The following ZNF875 variants were observed in gnomAD, a reference collection of about 807,000 sequenced individuals.
ZNF875 encodes HKR1, GLI-Kruppel zinc finger family member.
In ZNF875, 14 loss-of-function variants were observed where a neutral mutation model predicts 11.2. That is an observed-to-expected ratio of 1.26 (90% CI 0.83 to 1.96). The LOEUF is 1.96. Among genes scored for constraint, ZNF875 ranks in the 30% most tolerant of loss-of-function variants. The probability of loss-of-function intolerance (pLI) is 0.00; values close to 1 mark genes in which losing one functional copy is unlikely to be tolerated. For missense variants in ZNF875, 752 were observed against 760.4 expected, an observed-to-expected ratio of 0.99 and a Z score of 0.13; for synonymous variants, 301 against 281.1, an observed-to-expected ratio of 1.07 and a Z score of -0.71.
chr19:37,343,806 C>G (rs2036246343), intron 2 of ZNF875, among the ~76,000 whole-genome samples: 1 of 152,136 alleles, frequency 6.6e-6, no homozygotes, highest in South Asian at 2.1e-4. Context: ...AGGCATGATT[C>G]ACTGGGGCCA....
intron 1 of ZNF875, 148 bp from the exon 2 acceptor site, chr19:37,335,021 C>T: frequency 1.8e-6 from 1 of 559,174 alleles, no homozygotes; most frequent in Non-Finnish European, 3.3e-6. Context: ...CTGGGTCATC[C>T]TGGCCCCCCA....
chr19:37,356,447 T>C (rs556553283), intron 4 of ZNF875, among the ~76,000 whole-genome samples: 1 of 152,300 alleles, frequency 6.6e-6, no homozygotes, highest in Admixed American at 6.5e-5. Flanking sequence ...TGTTTGTTTG[T>C]TTGTTTAACT....
At chr19:37,314,766 A>AAAAGAAG (rs1555789493), upstream of ZNF875, 54 of 151,544 alleles carry the variant, frequency 3.6e-4, no homozygotes, top group African/African-American at 1.3e-3. Flanking sequence ...AAAAAAAAAA[A>AAAAGAAG]AAGAAGAAGA....
chr19:37,320,236 C>G (rs937231990), intron 1 of ZNF875, among the ~76,000 whole-genome samples: 1 of 152,190 alleles, frequency 6.6e-6, no homozygotes, highest in African/African-American at 2.4e-5. Flanking sequence ...GAGAAGGGCC[C>G]ATGAATGAAA....
chr19:37,363,231 G>T lies in ZNF875; in HGVS notation c.1379G>T (p.Ser460Ile), dbSNP rs2146752335. The change falls in exon 5 of 5, where the codon AGC becomes ATC. Residue 460 changes from serine (S) to isoleucine (I), a missense_variant. Physicochemically the swap from Ser to Ile is moderately radical, Grantham distance 142. Transcript: ENST00000392153. ...YVCLECGQCF[S>I]LKSNLNKHQR... ...TGCCTGGAGTGCGGGCAGTGCTTTA[G>T]CCTGAAGTCAAACCTTAACAAACAC... 6.2e-7 allele frequency: 1 copy of T among 1,613,980 alleles called. No homozygotes were observed. Among genetic ancestry groups the T allele is most frequent in the South Asian group, 1.1e-5 (1 of 91,074 alleles).
rs1197451834 is a variant in ZNF875 at position 37,364,024 on chromosome 19, C to T, written c.*249C>T. Reference sequence around the variant, plus strand: ...CACTGTGGATGGTGGGTTGTGGAAACCCGGTCAGGTAATGATAGTGGCAGG... The same window carrying T: ...CACTGTGGATGGTGGGTTGTGGAAATCCGGTCAGGTAATGATAGTGGCAGG... On this transcript the variant is annotated 3_prime_UTR_variant, in exon 5 of 5. Coordinates refer to ENST00000392153, the MANE Select transcript of ZNF875 (RefSeq NM_001353803.2). 2 of 487,350 alleles carry T rather than the reference C, an allele frequency of 4.1e-6. No individual in the cohort carries two copies. The highest frequency in any genetic ancestry group is 3.5e-5 in the East Asian group (1 of 28,414). 30.2% of individuals were successfully genotyped at this position (487,350 alleles called of 1,614,324 possible).
intron 2 of ZNF875, among the ~76,000 whole-genome samples, chr19:37,340,608 G>A (rs1236388076): frequency 7.5e-6 from 1 of 134,094 alleles, no homozygotes; most frequent in African/African-American, 2.8e-5. Flanking sequence ...CTGAAAGTGT[G>A]TTTATTGTTA....
intron 1 of ZNF875, among the ~76,000 whole-genome samples, chr19:37,321,516 A>T (rs1354547692): frequency 2.0e-5 from 3 of 152,168 alleles, no homozygotes. Flanking sequence ...ATACTGAGGG[A>T]ACTCAGAGAC....
At position 37,347,224 on chromosome 19, in the gene ZNF875, T is replaced by A. The variant is rs1412270417; in HGVS notation, c.68T>A (p.Phe23Tyr). The change falls in exon 3 of 5, where the codon TTC becomes TAC. Residue 23 changes from phenylalanine (F) to tyrosine (Y), a missense_variant. Transcript: ENST00000392153. ...GCATTCAGGGATGTGGCTGTGTACT[T>A]CACCCAGGAGGAGTGGAGGTTGTTG... The part of the protein sequence containing the change: ...FVAFRDVAVY[F>Y]TQEEWRLLSP... 2 of 1,614,124 alleles carry A rather than the reference T, an allele frequency of 1.2e-6. No homozygotes were observed. Among genetic ancestry groups the A allele is most frequent in the Non-Finnish European group, 1.7e-6 (2 of 1,180,002 alleles).
At chr19:37,333,046 A>C (rs888848024), upstream of ZNF875, among the ~76,000 whole-genome samples, 1 of 152,138 alleles carries the variant, frequency 6.6e-6, no homozygotes, top group African/African-American at 2.4e-5. Context: ...GTAGAGTTTC[A>C]TTCTGCCCCT....
chr19:37,324,839 A>G (rs982932521), intron 4 of ZNF875: 1 of 154,232 alleles, frequency 6.5e-6, no homozygotes, highest in African/African-American at 2.5e-5. Context: ...TAGTATGGCG[A>G]TCTCTGCTCA....
rs142521421 is a variant in ZNF875 at position 37,326,520 on chromosome 19, C to T, written c.-603+2255C>T. On this transcript the variant is annotated intron_variant, in intron 4 of 5. Transcript: ENST00000544914. ...TTCAGTCTTTTCCCATAACATGTGA[C>T]GTGCCTTTTTGTCTTGGTTGGGTAT... Among the ~76,000 whole-genome samples, 967 of 152,180 alleles carry T rather than the reference C, an allele frequency of 6.4e-3. 26 individuals carry two copies. Among genetic ancestry groups the T allele is most frequent in the East Asian group, 0.053 (273 of 5,178 alleles).
intron 3 of ZNF875, 52 bp from the exon 4 acceptor site, chr19:37,347,725 G>T: frequency 2.7e-6 from 3 of 1,101,002 alleles, no homozygotes. Context: ...GTTCTAGAAT[G>T]CCCTCTTGAG....
intron 4 of ZNF875, among the ~76,000 whole-genome samples, chr19:37,356,539 G>C (rs2038943990): frequency 6.6e-6 from 1 of 152,010 alleles, no homozygotes; most frequent in East Asian, 1.9e-4. Context: ...CTGGTACCAA[G>C]ATCTCTTTGT....
chr19:37,313,892 A>C (rs189818389), upstream of ZNF875, among the ~76,000 whole-genome samples: 457 of 152,206 alleles, frequency 3.0e-3, 3 homozygotes, highest in Admixed American at 8.0e-3. Context: ...TGTGAATTGC[A>C]ATTTATTAAT....
Position 37,363,601 on chromosome 19 carries a change from A to AG in ZNF875, c.1755dup (p.Lys586GlufsTer13), listed in dbSNP as rs775240804. The AG allele has an allele frequency of 1.2e-5, 19 of 1,613,080 alleles. No homozygotes were observed. In the Admixed American group the frequency reaches 2.7e-4, roughly 23 times the overall value. On this transcript the variant is annotated frameshift_variant, in exon 5 of 5. Transcript: ENST00000392153. LOFTEE classifies it low-confidence loss of function (END_TRUNC). ...TCATTAAACACCAGAGAGCACACGCAGGGGGGAAGCCTCATGTGTGCAGGG... is the reference window on the plus strand; with the variant it reads ...TCATTAAACACCAGAGAGCACACGCAGGGGGGGAAGCCTCATGTGTGCAGGG...
intron 4 of ZNF875, among the ~76,000 whole-genome samples, chr19:37,355,630 A>C (rs140987046): frequency 6.6e-6 from 1 of 152,310 alleles, no homozygotes; most frequent in East Asian, 1.9e-4. Flanking sequence ...TTTTGTCAAC[A>C]TATAGAATAA....
intron 4 of ZNF875, among the ~76,000 whole-genome samples, chr19:37,349,293 T>C (rs1432321365): frequency 1.3e-5 from 2 of 152,204 alleles, no homozygotes; most frequent in African/African-American, 2.4e-5. Context: ...GACTCCAATA[T>C]GTCATTTTTT....
At chr19:37,332,362 C>G (rs989181141), upstream of ZNF875, among the ~76,000 whole-genome samples, 1 of 151,978 alleles carries the variant, frequency 6.6e-6, no homozygotes, top group African/African-American at 2.4e-5. Context: ...TAGGGGCAAC[C>G]CACCCCTACA....
Sources: gnomAD v4.1 joint callset for allele counts (sites outside exome capture counted in the v4.1 genomes callset) on GRCh38, gnomAD v4.1.1 for gene constraint, MANE v1.5 for transcripts, NCBI Gene and HGNC (gene_info 2026-07-23, HGNC 2026-07-21) for gene names.